Variants in CRIM1 observed in about 807,000 individuals in gnomAD.
CRIM1 encodes cysteine rich transmembrane BMP regulator 1, also known as cysteine-rich motor neuron 1 protein.
Under a neutral mutation model 116.4 loss-of-function variants are expected in CRIM1, and 32 were observed. That is an observed-to-expected ratio of 0.27 (90% CI 0.21 to 0.37). The LOEUF is 0.37. Among genes scored for constraint, CRIM1 ranks in the 10% least tolerant of loss-of-function variants. The pLI is 1.00. For synonymous variants in CRIM1, 590 were observed against 509.2 expected (o/e 1.16, Z -2.13); for missense variants, 1,331 against 1,354.8 (o/e 0.98, Z 0.28).
At chr2:36,470,053 C>G (rs917756480) in intron 5 of CRIM1, among the ~76,000 whole-genome samples, 1 of 152,076 alleles carries the variant, frequency 6.6e-6, no homozygotes, top group African/African-American at 2.4e-5. Context: ...TTAGCAAGAC[C>G]AGATATTTAT....
At chr2:36,405,568 C>A (rs1291826467) in intron 2 of CRIM1, among the ~76,000 whole-genome samples, 1 of 152,154 alleles carries the variant, frequency 6.6e-6, no homozygotes, top group African/African-American at 2.4e-5. Context: ...TTCCAGCAAG[C>A]CCCAGGAGAA....
chr2:36,463,635 T>G (rs530753957), intron 4 of CRIM1, among the ~76,000 whole-genome samples: 7 of 152,334 alleles, frequency 4.6e-5, no homozygotes, highest in Non-Finnish European at 5.9e-5. Flanking sequence ...CCAGCTGCCC[T>G]AAGTTTCCTG....
intron 13 of CRIM1, among the ~76,000 whole-genome samples, chr2:36,524,859 C>G (rs1204969707): frequency 5.3e-5 from 8 of 151,892 alleles, no homozygotes; most frequent in African/African-American, 1.9e-4. Flanking sequence ...ATTCCTGCAT[C>G]TAGATTATAC....
At chr2:36,496,530 G>A (rs769291296) in intron 7 of CRIM1, among the ~76,000 whole-genome samples, 6 of 152,162 alleles carry the variant, frequency 3.9e-5, no homozygotes, top group Non-Finnish European at 8.8e-5. Flanking sequence ...ATGCTACAGC[G>A]TTGAGGCTTG....
chr2:36,492,716 G>A (rs1333922367), intron 7 of CRIM1, among the ~76,000 whole-genome samples: 1 of 152,124 alleles, frequency 6.6e-6, no homozygotes, highest in Non-Finnish European at 1.5e-5. Flanking sequence ...CTTATCTCCA[G>A]TTTTATGGCC....
chr2:36,453,487 C>T (rs555116092), intron 4 of CRIM1, among the ~76,000 whole-genome samples: 1 of 152,300 alleles, frequency 6.6e-6, no homozygotes, highest in South Asian at 2.1e-4. Flanking sequence ...ATTTCATTCT[C>T]ATCAGTACCT....
Position 36,517,689 on chromosome 2 carries a change from T to C in CRIM1, c.2206+147T>C, listed in dbSNP as rs1665122254. 7.3e-6 allele frequency: 5 copies of C among 687,256 alleles called. No individual in the cohort carries two copies. The East Asian group carries it at 1.4e-4, about 19-fold the overall frequency. 42.6% of individuals were successfully genotyped at this position (687,256 alleles called of 1,614,324 possible). On this transcript the variant is annotated intron_variant, in intron 12 of 16. Transcript: ENST00000280527. The stretch of plus-strand genomic sequence containing the variant: ...CATCAGGAACAGCTGGCAGCCTGCT[T>C]CCTGCATGTATTCTCTTTATCAACC...
At chr2:36,476,800 GA>G in intron 5 of CRIM1, 88 bp from the exon 6 acceptor site, 1 of 1,095,644 alleles carries the variant, frequency 9.1e-7, no homozygotes. Flanking sequence ...CCTCCTATTA[GA>G]AATTTTCTAG....
intron 1 of CRIM1, among the ~76,000 whole-genome samples, chr2:36,379,777 T>C (rs1433087030): frequency 7.0e-6 from 1 of 142,134 alleles, no homozygotes; most frequent in African/African-American, 2.7e-5. Flanking sequence ...AGAAAAGCAA[T>C]TGCTTAGAAT....
chr2:36,546,554 A>T lies in CRIM1; in HGVS notation c.2747-430A>T, dbSNP rs76277149. Among the ~76,000 whole-genome samples the T allele has an allele frequency of 2.2e-4, 33 of 152,298 alleles. No homozygotes were observed. In the East Asian group the frequency reaches 6.0e-3, roughly 28 times the overall value. On this transcript the variant is annotated intron_variant, in intron 15 of 16. Coordinates refer to ENST00000280527, the MANE Select transcript of CRIM1 (RefSeq NM_016441.3). The stretch of plus-strand genomic sequence containing the variant: ...CTATTAACACTAATTAATTAATAGT[A>T]AAAGAACATACTTTGTTCTAGTCTC...
chr2:36,549,770 A>G lies in CRIM1; in HGVS notation c.*1069A>G, dbSNP rs1381682277. On this transcript the variant is annotated 3_prime_UTR_variant, in exon 17 of 17. Transcript: ENST00000280527. The stretch of plus-strand genomic sequence containing the variant: ...AATGATGCCTCTTTAAACTTTAGCA[A>G]TTATAGGAGTATTTATGTAACTATC... 6.6e-6 allele frequency: 1 copy of G among 152,252 alleles called. No individual in the cohort carries two copies. The highest frequency in any genetic ancestry group is 2.4e-5 in the African/African-American group (1 of 41,380). 9.4% of individuals were successfully genotyped at this position (152,252 alleles called of 1,614,324 possible). A position where few individuals can be genotyped will look rare whatever the true frequency, so the allele number is the denominator to read the frequency against.
At chr2:36,412,778 A>C (rs1673313107) in intron 2 of CRIM1, among the ~76,000 whole-genome samples, 1 of 152,180 alleles carries the variant, frequency 6.6e-6, no homozygotes, top group East Asian at 1.9e-4. Context: ...CCCATTTGAT[A>C]TATGTTTGCT....
chr2:36,471,634 A>G (rs918721024), intron 5 of CRIM1, among the ~76,000 whole-genome samples: 1 of 152,030 alleles, frequency 6.6e-6, no homozygotes, highest in Non-Finnish European at 1.5e-5. Flanking sequence ...GGGGTGTCCA[A>G]TCTTTTGGCT....
chr2:36,394,943 G>T (rs766578187), intron 1 of CRIM1, among the ~76,000 whole-genome samples: 3 of 150,932 alleles, frequency 2.0e-5, no homozygotes, highest in Non-Finnish European at 4.4e-5. Flanking sequence ...CTTCACTTAC[G>T]TACTGAGCAA....
At chr2:36,427,472 G>T (rs887627352) in intron 2 of CRIM1, among the ~76,000 whole-genome samples, 9 of 152,150 alleles carry the variant, frequency 5.9e-5, no homozygotes, top group African/African-American at 2.2e-4. Flanking sequence ...AGCATGAGAG[G>T]GTCTTGTAGA....
At position 36,547,130 on chromosome 2, in the gene CRIM1, C is replaced by T; in HGVS notation, c.2893C>T (p.Gln965Ter). ...IAFLFINQKK[Q>*]WIPLLCWYRT... is the part of the protein sequence containing the mutation. ...ATTCCTATTCATCAATCAGAAGAAA[C>T]AGTGGATACCACTGCTTTGCTGGTA... Residue 965 changes from glutamine to a stop codon, truncating the protein, a stop_gained, in exon 16 of 17, where the codon CAG becomes TAG. Coordinates refer to ENST00000280527, the MANE Select transcript of CRIM1 (RefSeq NM_016441.3). LOFTEE classifies it high-confidence loss of function. The T allele has an allele frequency of 6.2e-7, 1 of 1,613,218 alleles. No individual in the cohort carries two copies. The highest frequency in any genetic ancestry group is 8.5e-7 in the Non-Finnish European group (1 of 1,179,432).
intron 15 of CRIM1, 104 bp downstream of exon 15, chr2:36,544,602 T>C (rs140754914): frequency 1.7e-6 from 2 of 1,178,010 alleles, no homozygotes; most frequent in African/African-American, 3.1e-5. Context: ...AATGACTTGC[T>C]GAAGTAAATT....
intron 13 of CRIM1, among the ~76,000 whole-genome samples, chr2:36,525,533 C>T (rs1015667031): frequency 9.2e-5 from 14 of 152,270 alleles, no homozygotes; most frequent in African/African-American, 3.1e-4. Context: ...CACCATCAGG[C>T]GGCATGTCTT....
chr2:36,389,715 A>G (rs771735752), intron 1 of CRIM1, among the ~76,000 whole-genome samples: 3 of 152,192 alleles, frequency 2.0e-5, no homozygotes, highest in Admixed American at 1.3e-4. Context: ...GCTGGCAGAA[A>G]TTTCATGTGA....
Sources: allele counts gnomAD v4.1 joint callset (sites outside exome capture counted in the v4.1 genomes callset), GRCh38; gene constraint gnomAD v4.1.1; transcripts MANE v1.5; gene names NCBI Gene and HGNC (gene_info 2026-07-23, HGNC 2026-07-21).